The following CSMD3 variants were observed in gnomAD, a reference collection of about 807,000 sequenced individuals.
CSMD3 encodes the protein CUB and sushi domain-containing protein 3.
In CSMD3, 177 loss-of-function variants were observed where a neutral mutation model predicts 435.2. The ratio of observed to expected loss-of-function variants is 0.41; its 90% CI spans 0.36 to 0.46. CSMD3 has a LOEUF of 0.46. Ranked by LOEUF, CSMD3 falls within the 20% of genes least tolerant of loss-of-function variation. The pLI, the probability that CSMD3 is intolerant of heterozygous loss-of-function variation, is 0.34. For missense variants in CSMD3, 4,265 were observed against 4,504.6 expected, an observed-to-expected ratio of 0.95 and a Z score of 1.52; for synonymous variants, 1,656 against 1,520.5, an observed-to-expected ratio of 1.09 and a Z score of -2.07.
intron 9 of CSMD3, among the ~76,000 whole-genome samples, chr8:112,923,126 C>T (rs1314369389): frequency 6.6e-6 from 1 of 152,084 alleles, no homozygotes; most frequent in East Asian, 1.9e-4. Flanking sequence ...GGAATCTGAG[C>T]CACAATTTCT....
At chr8:112,687,037 G>T (rs1220104771) in intron 14 of CSMD3, among the ~76,000 whole-genome samples, 2 of 151,830 alleles carry the variant, frequency 1.3e-5, no homozygotes, top group East Asian at 3.9e-4. Context: ...CTTGAAGAAA[G>T]CTTTTTTGTT....
At chr8:112,269,195 C>T (rs987779361) in intron 59 of CSMD3, among the ~76,000 whole-genome samples, 1 of 152,110 alleles carries the variant, frequency 6.6e-6, no homozygotes, top group African/African-American at 2.4e-5. Context: ...TGGGATATCC[C>T]CAGCCCTCTC....
intron 32 of CSMD3, among the ~76,000 whole-genome samples, chr8:112,425,345 G>A (rs1439395003): frequency 6.6e-6 from 1 of 152,020 alleles, no homozygotes; most frequent in East Asian, 1.9e-4. Flanking sequence ...TGTTAATTTG[G>A]ACTTAATTTA....
intron 3 of CSMD3, among the ~76,000 whole-genome samples, chr8:113,237,079 C>T (rs570251252): frequency 6.6e-6 from 1 of 152,148 alleles, no homozygotes; most frequent in South Asian, 2.1e-4. Flanking sequence ...GTGCAGAATC[C>T]CAAATATTCA....
At chr8:112,904,776 G>T (rs2082209491) in intron 10 of CSMD3, among the ~76,000 whole-genome samples, 1 of 151,348 alleles carries the variant, frequency 6.6e-6, no homozygotes, top group African/African-American at 2.4e-5. Context: ...TTTTCATCTT[G>T]TGAGCCAAGG....
intron 32 of CSMD3, among the ~76,000 whole-genome samples, chr8:112,440,720 G>T (rs550997827): frequency 6.6e-6 from 1 of 152,322 alleles, no homozygotes; most frequent in South Asian, 2.1e-4. Context: ...AACGCCATGT[G>T]GAAGCTGCCA....
At chr8:112,627,382 C>G (rs1834568542) in intron 22 of CSMD3, among the ~76,000 whole-genome samples, 1 of 152,124 alleles carries the variant, frequency 6.6e-6, no homozygotes, top group African/African-American at 2.4e-5. Flanking sequence ...GCAAGTTTTT[C>G]TGGCACTTTC....
intron 10 of CSMD3, among the ~76,000 whole-genome samples, chr8:112,866,481 T>C (rs1317062639): frequency 6.6e-6 from 1 of 152,160 alleles, no homozygotes; most frequent in African/African-American, 2.4e-5. Flanking sequence ...AGTAATGTTA[T>C]TATTATTATT....
chr8:112,403,828 A>C (rs1194391748), intron 35 of CSMD3, among the ~76,000 whole-genome samples: 1 of 152,170 alleles, frequency 6.6e-6, no homozygotes, highest in Non-Finnish European at 1.5e-5. Flanking sequence ...CAGTGGCATT[A>C]AGAAAATTAT....
At chr8:112,631,402 CT>C (rs1268408638) in intron 22 of CSMD3, among the ~76,000 whole-genome samples, 1 of 151,998 alleles carries the variant, frequency 6.6e-6, no homozygotes, top group Non-Finnish European at 1.5e-5. Flanking sequence ...TTGCCCACCC[CT>C]GGTCTATTGT....
chr8:112,402,242 C>T (rs1013215258), intron 35 of CSMD3, among the ~76,000 whole-genome samples: 2 of 152,138 alleles, frequency 1.3e-5, no homozygotes, highest in African/African-American at 2.4e-5. Flanking sequence ...TTCAGTCATG[C>T]GGACAAAGCG....
chr8:112,655,671 C>T (rs1017619170), intron 18 of CSMD3, among the ~76,000 whole-genome samples: 1 of 144,904 alleles, frequency 6.9e-6, no homozygotes. Context: ...TATGTATATA[C>T]AGTTTGCCTT....
intron 3 of CSMD3, among the ~76,000 whole-genome samples, chr8:113,206,947 C>T (rs1276862683): frequency 3.3e-5 from 5 of 152,068 alleles, no homozygotes; most frequent in Non-Finnish European, 7.4e-5. Context: ...TTTTCCTTAT[C>T]TTTAAACCAG....
At chr8:112,705,482 T>C (rs1284778899) in intron 13 of CSMD3, among the ~76,000 whole-genome samples, 1 of 152,112 alleles carries the variant, frequency 6.6e-6, no homozygotes, top group East Asian at 1.9e-4. Context: ...TCTTTGGATC[T>C]TCATTTCTTG....
chr8:112,482,068 C>T (rs894171231), intron 31 of CSMD3, among the ~76,000 whole-genome samples: 3 of 151,964 alleles, frequency 2.0e-5, no homozygotes, highest in Non-Finnish European at 2.9e-5. Context: ...TTTAATGACT[C>T]AATAAGTCAT....
At chr8:112,862,090 G>A (rs187750688) in intron 10 of CSMD3, among the ~76,000 whole-genome samples, 36 of 152,054 alleles carry the variant, frequency 2.4e-4, no homozygotes, top group Non-Finnish European at 4.6e-4. Context: ...TGTCTTCTAT[G>A]AAAATGATTT....
chr8:112,296,026 A>C lies in CSMD3; in HGVS notation c.8441-20T>G, dbSNP rs1031169288. 2.6e-6 allele frequency: 4 copies of C among 1,563,104 alleles called. No individual in the cohort carries two copies. The highest frequency in any genetic ancestry group is 3.5e-6 in the Non-Finnish European group (4 of 1,135,622). ...GACCCGCTGAAATACGTTATAAAGT[A>C]ATATTTTTAATACTGTGATTTGTTT... is the stretch of plus-strand genomic sequence containing the variant. On this transcript the variant is annotated intron_variant, in intron 53 of 70. Coordinates refer to ENST00000297405, the MANE Select transcript of CSMD3 (RefSeq NM_198123.2).
intron 3 of CSMD3, among the ~76,000 whole-genome samples, chr8:113,264,445 A>G (rs185374671): frequency 2.1e-3 from 323 of 151,340 alleles, no homozygotes; most frequent in Non-Finnish European, 3.9e-3. Context: ...AAACAGGATT[A>G]CATAATAAGT....
chr8:112,437,525 T>A (rs1814498624), intron 32 of CSMD3, among the ~76,000 whole-genome samples: 1 of 152,068 alleles, frequency 6.6e-6, no homozygotes, highest in African/African-American at 2.4e-5. Flanking sequence ...CAATAAAGCA[T>A]GGGAATTCCA....
Sources: allele counts gnomAD v4.1 joint callset (sites outside exome capture counted in the v4.1 genomes callset), GRCh38; gene constraint gnomAD v4.1.1; transcripts MANE v1.5; gene names NCBI Gene and HGNC (gene_info 2026-07-23, HGNC 2026-07-21).